Variants in FBRSL1 observed in about 807,000 individuals in gnomAD.
The protein encoded by FBRSL1 is fibrosin-1-like protein.
FBRSL1 carries 51 observed loss-of-function variants against 89.6 expected under a neutral mutation model. The observed-to-expected ratio is 0.57, with a 90% CI of 0.45 to 0.72. The LOEUF (loss-of-function observed/expected upper bound fraction) is 0.72, where lower values mean the gene tolerates loss of function less well. Ranked by LOEUF, FBRSL1 falls within the 30% of genes least tolerant of loss-of-function variation. The pLI is 0.00. For synonymous variants in FBRSL1, 779 were observed against 681.1 expected, an observed-to-expected ratio of 1.14 and a Z score of -2.24; for missense variants, 1,618 against 1,451.8, an observed-to-expected ratio of 1.11 and a Z score of -1.86.
At chr12:132,581,714 C>G (rs756720270) in intron 16 of FBRSL1, 27 bp from the exon 17 acceptor site, 2 of 1,549,138 alleles carry the variant, frequency 1.3e-6, no homozygotes, top group Middle Eastern at 1.7e-4. Context: ...CCTCACAGAC[C>G]TCTGGGTCCC....
Position 132,544,643 on chromosome 12 carries a change from G to A in FBRSL1, c.616-3360G>A, listed in dbSNP as rs550022455. 2.6e-5 allele frequency among the ~76,000 whole-genome samples: 4 copies of A among 152,278 alleles called. No homozygotes were observed. The East Asian group carries it at 7.7e-4, about 29-fold the overall frequency. On this transcript the variant is annotated intron_variant, in intron 4 of 18. Coordinates refer to ENST00000680143, the MANE Select transcript of FBRSL1 (RefSeq NM_001367871.1). ...TGATGGTAGTGCTGTTGAGGATGGT[G>A]ACGTGAGGACGGCGATACTGATGAT...
chr12:132,567,603 C>A, intron 6 of FBRSL1, 77 bp downstream of exon 6: 1 of 1,427,716 alleles, frequency 7.0e-7, no homozygotes, highest in Non-Finnish European at 9.6e-7. Flanking sequence ...GGCAGGACAT[C>A]CCCCTGAAGT....
rs923744365 is a variant in FBRSL1 at position 132,581,793 on chromosome 12, C to T, written c.1965C>T (p.His655=). The T allele has an allele frequency of 3.1e-5, 48 of 1,549,288 alleles. No homozygotes were observed. Among genetic ancestry groups the T allele is most frequent in the Non-Finnish European group, 3.9e-5 (45 of 1,146,452 alleles). Residue 655 remains histidine (H), a synonymous_variant, in exon 17 of 19, where the codon CAC becomes CAT. Coordinates refer to ENST00000680143, the MANE Select transcript of FBRSL1 (RefSeq NM_001367871.1). ...TFGGLGSLSS[H]AFGGLGSHAL... Reference sequence around the variant, plus strand: ...GGGGCCTGGGCAGCCTGAGCAGCCACGCCTTTGGGGGCCTGGGCAGCCATG... The same window carrying T: ...GGGGCCTGGGCAGCCTGAGCAGCCATGCCTTTGGGGGCCTGGGCAGCCATG...
intron 2 of FBRSL1, among the ~76,000 whole-genome samples, chr12:132,515,530 C>CAAA (rs71274843): frequency 3.9e-5 from 5 of 128,374 alleles, no homozygotes; most frequent in South Asian, 2.4e-4. Context: ...CTTAAGAAAC[C>CAAA]AAAAAAAAAA....
chr12:132,558,571 T>G (rs539844542), intron 5 of FBRSL1, among the ~76,000 whole-genome samples: 33 of 152,312 alleles, frequency 2.2e-4, no homozygotes, highest in African/African-American at 7.0e-4. Flanking sequence ...TGGTAAGTAG[T>G]TCAAATAGAA....
intron 5 of FBRSL1, among the ~76,000 whole-genome samples, chr12:132,561,660 G>A (rs757854826): frequency 1.3e-5 from 2 of 152,174 alleles, no homozygotes; most frequent in Non-Finnish European, 2.9e-5. Context: ...ACCACAGAGG[G>A]GGCAGTTAAC....
chr12:132,529,675 C>T (rs1487688987), intron 4 of FBRSL1, among the ~76,000 whole-genome samples: 6 of 151,738 alleles, frequency 4.0e-5, no homozygotes, highest in Admixed American at 6.6e-5. Flanking sequence ...ACCCTGGGCT[C>T]GGCTCTGCAC....
chr12:132,558,199 C>T (rs1025355971), intron 5 of FBRSL1, among the ~76,000 whole-genome samples: 3 of 152,212 alleles, frequency 2.0e-5, no homozygotes, highest in African/African-American at 7.2e-5. Flanking sequence ...TCCCTGAGGG[C>T]TCCACGCATT....
At chr12:132,556,864 A>C (rs1196366678) in intron 5 of FBRSL1, among the ~76,000 whole-genome samples, 1 of 33,164 alleles carries the variant, frequency 3.0e-5, no homozygotes, top group African/African-American at 1.2e-4. Flanking sequence ...CTGCCCCCCA[A>C]ACCCCCGTCC....
chr12:132,509,057 G>A (rs1176929880), intron 2 of FBRSL1: 1 of 1,201,288 alleles, frequency 8.3e-7, no homozygotes, highest in Non-Finnish European at 1.0e-6. Flanking sequence ...GCCCCCTTGG[G>A]AATTGGGCTG....
At chr12:132,510,365 CCGGCCCCTG>C (rs2136626210) in intron 2 of FBRSL1, 2 of 1,231,816 alleles carry the variant, frequency 1.6e-6, no homozygotes, top group East Asian at 3.2e-5. Context: ...GCCATCCCTG[CCGGCCCCTG>C]CGGTCCCGGT....
intron 2 of FBRSL1, among the ~76,000 whole-genome samples, chr12:132,518,929 C>T (rs1566132014): frequency 6.6e-6 from 1 of 152,134 alleles, no homozygotes; most frequent in Non-Finnish European, 1.5e-5. Flanking sequence ...ATCCATCCAC[C>T]TGTCTGTCCA....
chr12:132,516,216 A>C (rs2034828674), intron 2 of FBRSL1, among the ~76,000 whole-genome samples: 1 of 146,558 alleles, frequency 6.8e-6, no homozygotes, highest in South Asian at 2.2e-4. Flanking sequence ...TTTGAGATGG[A>C]GTCTTGCTCT....
intron 5 of FBRSL1, among the ~76,000 whole-genome samples, chr12:132,548,598 C>T (rs900347304): frequency 8.5e-5 from 13 of 152,136 alleles, no homozygotes; most frequent in African/African-American, 2.9e-4. Flanking sequence ...GAGCAGCCTC[C>T]GGGGGGGCTC....
At chr12:132,564,706 AG>A in intron 5 of FBRSL1, among the ~76,000 whole-genome samples, 1 of 87,302 alleles carries the variant, frequency 1.1e-5, no homozygotes, top group South Asian at 4.2e-4. Flanking sequence ...CGTGTTAGCC[AG>A]GATGGTCTCG....
chr12:132,572,241 A>G, intron 9 of FBRSL1, 47 bp from the exon 10 acceptor site: 2 of 1,527,832 alleles, frequency 1.3e-6, no homozygotes, highest in Non-Finnish European at 1.8e-6. Context: ...GGGCCCAGCA[A>G]CGGTGTCGTG....
intron 2 of FBRSL1, 136 bp from the exon 3 acceptor site, chr12:132,525,598 C>A: frequency 1.5e-6 from 1 of 672,194 alleles, no homozygotes; most frequent in Non-Finnish European, 2.6e-6. Context: ...CATCCCAAAG[C>A]GCCCAGCGGC....
chr12:132,583,897 G>A lies in FBRSL1; in HGVS notation c.*119G>A, dbSNP rs1372720415. On this transcript the variant is annotated 3_prime_UTR_variant, in exon 19 of 19. Transcript: ENST00000680143. ...GGGCGGCGCCGCCTCTCCACCCGCA[G>A]CCTGCGGAGGCGGGGACTTGGGTGT... is the stretch of plus-strand genomic sequence containing the variant. The A allele has an allele frequency of 5.3e-5, 23 of 437,314 alleles. No individual in the cohort carries two copies. The highest frequency in any genetic ancestry group is 7.4e-5 in the Non-Finnish European group (22 of 295,550). The allele number at this position is 437,314 out of a possible 1,614,324, so 27.1% of individuals were successfully genotyped here. A position where few individuals can be genotyped will look rare whatever the true frequency, so the allele number is the denominator to read the frequency against.
chr12:132,545,777 G>A (rs578126243), intron 4 of FBRSL1, among the ~76,000 whole-genome samples: 2 of 152,372 alleles, frequency 1.3e-5, no homozygotes, highest in South Asian at 4.1e-4. Flanking sequence ...CAAGTGTCAG[G>A]CTGCTCTCGA....
Sources: gnomAD v4.1 joint callset for allele counts (sites outside exome capture counted in the v4.1 genomes callset) on GRCh38, gnomAD v4.1.1 for gene constraint, MANE v1.5 for transcripts, NCBI Gene and HGNC (gene_info 2026-07-23, HGNC 2026-07-21) for gene names.